ATP13A4: variants seen among roughly 807,000 people sequenced by gnomAD.
ATP13A4 encodes probable cation-transporting ATPase 13A4.
Under a neutral mutation model 142.5 loss-of-function variants are expected in ATP13A4, and 114 were observed. The ratio of observed to expected loss-of-function variants is 0.80; its 90% CI spans 0.69 to 0.93. The LOEUF (loss-of-function observed/expected upper bound fraction) is 0.93, where lower values mean the gene tolerates loss of function less well. Ranked by LOEUF, ATP13A4 falls within the 40% of genes least tolerant of loss-of-function variation. ATP13A4 has a pLI of 0.00. For missense variants in ATP13A4, 1,392 were observed against 1,454.0 expected (o/e 0.96, Z 0.69); for synonymous variants, 488 against 514.8 (o/e 0.95, Z 0.70).
intron 2 of ATP13A4, among the ~76,000 whole-genome samples, chr3:193,510,848 T>C (rs1167496952): frequency 6.6e-6 from 1 of 152,150 alleles, no homozygotes. Flanking sequence ...AGAACAGATA[T>C]ACAACACATT....
upstream of ATP13A4, among the ~76,000 whole-genome samples, chr3:193,556,994 A>G (rs1224136755): frequency 1.3e-5 from 2 of 152,146 alleles, no homozygotes; most frequent in African/African-American, 2.4e-5. Flanking sequence ...TCTCCTGTTT[A>G]TCACTGGCAA....
chr3:193,570,765 G>A (rs1482191774), intron 2 of ATP13A4, among the ~76,000 whole-genome samples: 1 of 152,188 alleles, frequency 6.6e-6, no homozygotes, highest in African/African-American at 2.4e-5. Context: ...TACCAGTTGT[G>A]TGGTCAGGGG....
At chr3:193,550,911 T>C (rs2108728219) in intron 1 of ATP13A4, among the ~76,000 whole-genome samples, 1 of 152,322 alleles carries the variant, frequency 6.6e-6, no homozygotes, top group Non-Finnish European at 1.5e-5. Context: ...TCAGCCATGG[T>C]ATAAGGAAAT....
chr3:193,412,827 G>A (rs1277501242), intron 26 of ATP13A4, among the ~76,000 whole-genome samples: 6 of 152,216 alleles, frequency 3.9e-5, no homozygotes, highest in African/African-American at 1.4e-4. Context: ...TTTGAGACCA[G>A]CCTGGCCCAC....
At chr3:193,417,021 G>A (rs1245907545) in intron 25 of ATP13A4, 2 of 152,168 alleles carry the variant, frequency 1.3e-5, no homozygotes, top group African/African-American at 4.8e-5. Flanking sequence ...AAGATTAGCA[G>A]CCAATTTCTC....
intron 1 of ATP13A4, among the ~76,000 whole-genome samples, chr3:193,592,094 G>T (rs890664526): frequency 2.1e-5 from 3 of 141,080 alleles, no homozygotes; most frequent in African/African-American, 7.8e-5. Context: ...TAAGGGAAAA[G>T]GAATTGTCTT....
intron 1 of ATP13A4, among the ~76,000 whole-genome samples, chr3:193,544,135 CCTA>C (rs1381186010): frequency 2.0e-5 from 3 of 152,122 alleles, no homozygotes; most frequent in Non-Finnish European, 4.4e-5. Context: ...ACTCTTCTCT[CCTA>C]CTATTTAAGC....
At chr3:193,429,484 T>C (rs1715854972) in intron 25 of ATP13A4, among the ~76,000 whole-genome samples, 2 of 152,106 alleles carry the variant, frequency 1.3e-5, no homozygotes. Flanking sequence ...TAAGTTCTGA[T>C]GCATGTTACA....
chr3:193,553,231 T>C (rs1723688648), intron 1 of ATP13A4: 1 of 152,232 alleles, frequency 6.6e-6, no homozygotes, highest in Non-Finnish European at 1.5e-5. Flanking sequence ...ATGGTGCCAT[T>C]ATGAAGATGA....
intron 1 of ATP13A4, among the ~76,000 whole-genome samples, chr3:193,517,068 A>G (rs956182877): frequency 6.6e-6 from 1 of 152,248 alleles, no homozygotes; most frequent in African/African-American, 2.4e-5. Context: ...TTCCCAAGCC[A>G]CAAAGCTCAT....
At position 193,514,858 on chromosome 3, in the gene ATP13A4, T is replaced by C. The variant is rs1285993594; in HGVS notation, c.74A>G (p.Tyr25Cys). The C allele has an allele frequency of 6.2e-7, 1 of 1,614,168 alleles. No homozygotes were observed. The highest frequency in any genetic ancestry group is 8.5e-7 in the Non-Finnish European group (1 of 1,179,992). Residue 25 changes from tyrosine to cysteine, a missense_variant, in exon 2 of 30, where the codon TAT (tyrosine) becomes TGT (cysteine). Tyr to Cys is a radical substitution (Grantham distance 194). Coordinates refer to ENST00000342695, the MANE Select transcript of ATP13A4 (RefSeq NM_032279.4). ...GEENEMEIFG[Y>C]RTQGCRKSLC... ...ACTTTTCCGGCAGCCTTGAGTCCGATAGCCAAATATCTCCTGGGACAGAAT... is the reference window on the plus strand; with the variant it reads ...ACTTTTCCGGCAGCCTTGAGTCCGACAGCCAAATATCTCCTGGGACAGAAT...
intron 1 of ATP13A4, among the ~76,000 whole-genome samples, chr3:193,587,827 T>C (rs1293426085): frequency 1.3e-5 from 2 of 152,160 alleles, no homozygotes; most frequent in African/African-American, 4.8e-5. Flanking sequence ...TTGTAAAAAC[T>C]ATGGGTTATG....
At chr3:193,434,184 G>A (rs1716131625) in intron 24 of ATP13A4, among the ~76,000 whole-genome samples, 1 of 152,032 alleles carries the variant, frequency 6.6e-6, no homozygotes, top group Admixed American at 6.6e-5. Context: ...CTTTGTTGAG[G>A]AGGACATCTT....
At chr3:193,565,765 C>T (rs1031912273) in intron 2 of ATP13A4, among the ~76,000 whole-genome samples, 1 of 152,188 alleles carries the variant, frequency 6.6e-6, no homozygotes, top group African/African-American at 2.4e-5. Flanking sequence ...GGCTTGCAGA[C>T]CAAACACTAT....
intron 1 of ATP13A4, among the ~76,000 whole-genome samples, chr3:193,519,404 T>C (rs1577045052): frequency 6.6e-6 from 1 of 152,114 alleles, no homozygotes; most frequent in Non-Finnish European, 1.5e-5. Flanking sequence ...TCCCTCTATA[T>C]CACTCTGTAC....
intron 7 of ATP13A4, among the ~76,000 whole-genome samples, chr3:193,486,679 T>C (rs1254782751): frequency 6.6e-6 from 1 of 152,196 alleles, no homozygotes; most frequent in East Asian, 1.9e-4. Context: ...ATCAAATAGG[T>C]TGTTGAAGCT....
At chr3:193,566,347 C>A (rs889167779) in intron 2 of ATP13A4, among the ~76,000 whole-genome samples, 4 of 152,028 alleles carry the variant, frequency 2.6e-5, no homozygotes, top group African/African-American at 9.7e-5. Context: ...CAGCTTATAC[C>A]TTCCCCAGAT....
Position 193,470,946 on chromosome 3 carries a change from A to C in ATP13A4, c.856T>G (p.Leu286Val), listed in dbSNP as rs1718584523. 2 of 1,614,184 alleles carry C rather than the reference A, an allele frequency of 1.2e-6. No individual in the cohort carries two copies. The highest frequency in any genetic ancestry group is 1.7e-6 in the Non-Finnish European group (2 of 1,180,024). The change falls in exon 9 of 30, where the codon TTA (leucine) becomes GTA (valine). Residue 286 changes from leucine to valine, a missense_variant. By Grantham distance (32) the Leu-to-Val change is conservative. Transcript: ENST00000342695. The stretch of plus-strand genomic sequence containing the variant: ...AGCACTTTGTTCCCTGTCAAAATTA[A>C]TAAATCTCCAGGCACCAGGACGCGT... Reference protein sequence around the residue: ...ESRVLVPGDLLILTGNKVLMP... With the variant: ...ESRVLVPGDLVILTGNKVLMP...
At chr3:193,428,956 A>G (rs1045570838) in intron 25 of ATP13A4, among the ~76,000 whole-genome samples, 2 of 152,008 alleles carry the variant, frequency 1.3e-5, no homozygotes, top group Admixed American at 6.6e-5. Flanking sequence ...TAATAATAAA[A>G]CCCAGAAGAC....
Sources: gnomAD v4.1 joint callset for allele counts (sites outside exome capture counted in the v4.1 genomes callset) on GRCh38, gnomAD v4.1.1 for gene constraint, MANE v1.5 for transcripts, NCBI Gene and HGNC (gene_info 2026-07-23, HGNC 2026-07-21) for gene names.